The following RAB3C variants were observed in gnomAD, a reference collection of about 807,000 sequenced individuals.
RAB3C encodes RAB3C, member RAS oncogene family.
RAB3C carries 17 observed loss-of-function variants against 26.4 expected under a neutral mutation model. The ratio of observed to expected loss-of-function variants is 0.64; its 90% CI spans 0.44 to 0.97. The LOEUF (loss-of-function observed/expected upper bound fraction) is 0.97, where lower values mean the gene tolerates loss of function less well. Among genes scored for constraint, RAB3C ranks in the 50% least tolerant of loss-of-function variants. The pLI, the probability that RAB3C is intolerant of heterozygous loss-of-function variation, is 0.00. For missense variants in RAB3C, 242 were observed against 281.9 expected, an observed-to-expected ratio of 0.86 and a Z score of 1.01; for synonymous variants, 91 against 95.9, an observed-to-expected ratio of 0.95 and a Z score of 0.30.
At chr5:58,748,626 A>C (rs1741451509) in intron 3 of RAB3C, among the ~76,000 whole-genome samples, 1 of 152,104 alleles carries the variant, frequency 6.6e-6, no homozygotes, top group Non-Finnish European at 1.5e-5. Context: ...ATGTATGTAC[A>C]TGCGTATCTC....
intron 4 of RAB3C, among the ~76,000 whole-genome samples, chr5:58,831,749 C>T (rs915391958): frequency 1.3e-5 from 2 of 151,940 alleles, no homozygotes; most frequent in Admixed American, 6.6e-5. Flanking sequence ...ATTGAGGGGA[C>T]CTTGCTTATT....
intron 2 of RAB3C, among the ~76,000 whole-genome samples, chr5:58,664,865 A>C (rs1295587414): frequency 6.6e-6 from 1 of 151,612 alleles, no homozygotes; most frequent in Non-Finnish European, 1.5e-5. Context: ...ATTTCCTACT[A>C]TTCTCCCTCT....
intron 3 of RAB3C, among the ~76,000 whole-genome samples, chr5:58,774,260 T>A (rs1408946960): frequency 2.0e-5 from 3 of 152,306 alleles, no homozygotes; most frequent in African/African-American, 7.2e-5. Flanking sequence ...CCTGTACACA[T>A]ACCTGGGAGG....
intron 2 of RAB3C, among the ~76,000 whole-genome samples, chr5:58,701,210 C>T (rs187631995): frequency 6.6e-6 from 1 of 152,124 alleles, no homozygotes; most frequent in Non-Finnish European, 1.5e-5. Flanking sequence ...ACCATGTTAG[C>T]CAGGATGGTC....
At chr5:58,833,341 C>T (rs1434827513) in intron 4 of RAB3C, among the ~76,000 whole-genome samples, 7 of 151,822 alleles carry the variant, frequency 4.6e-5, no homozygotes, top group African/African-American at 1.2e-4. Context: ...CACACACACA[C>T]ACACACACAC....
intron 2 of RAB3C, among the ~76,000 whole-genome samples, chr5:58,724,788 G>C (rs535104902): frequency 6.6e-6 from 1 of 150,520 alleles, no homozygotes; most frequent in Non-Finnish European, 1.5e-5. Context: ...ACAAAGAAAA[G>C]AACAGAAACA....
chr5:58,596,599 A>G (rs1474829635), intron 1 of RAB3C, among the ~76,000 whole-genome samples: 2 of 115,644 alleles, frequency 1.7e-5, no homozygotes, highest in East Asian at 2.4e-4. Flanking sequence ...TACATAATAT[A>G]TTATATATAA....
intron 3 of RAB3C, among the ~76,000 whole-genome samples, chr5:58,746,179 T>C (rs978246638): frequency 6.6e-6 from 1 of 152,184 alleles, no homozygotes; most frequent in Non-Finnish European, 1.5e-5. Flanking sequence ...TGATGATGAA[T>C]ATAAACAGAA....
chr5:58,597,091 A>AT (rs1326814506), intron 1 of RAB3C, among the ~76,000 whole-genome samples: 30 of 71,572 alleles, frequency 4.2e-4, no homozygotes, highest in African/African-American at 1.2e-3. Flanking sequence ...TATATAATAC[A>AT]TAATATATAT....
At chr5:58,742,842 G>C (rs974298433) in intron 3 of RAB3C, among the ~76,000 whole-genome samples, 2 of 152,058 alleles carry the variant, frequency 1.3e-5, no homozygotes, top group Non-Finnish European at 2.9e-5. Flanking sequence ...ACAGCTTCTT[G>C]TAGGAAAAAT....
intron 3 of RAB3C, among the ~76,000 whole-genome samples, chr5:58,805,041 T>A (rs542693261): frequency 3.3e-5 from 5 of 151,960 alleles, no homozygotes; most frequent in Non-Finnish European, 7.4e-5. Context: ...TTTATTCAGA[T>A]ATGTAAATTT....
At chr5:58,640,487 A>G (rs995303999) in intron 2 of RAB3C, among the ~76,000 whole-genome samples, 2 of 152,236 alleles carry the variant, frequency 1.3e-5, no homozygotes, top group African/African-American at 4.8e-5. Flanking sequence ...GATCCCACAA[A>G]TGCCAGGAAA....
At chr5:58,597,116 A>T (rs1329459629) in intron 1 of RAB3C, among the ~76,000 whole-genome samples, 15 of 32,214 alleles carry the variant, frequency 4.7e-4, no homozygotes, top group Non-Finnish European at 8.9e-4. Context: ...TAATATATAT[A>T]ATACATAATA....
intron 2 of RAB3C, among the ~76,000 whole-genome samples, chr5:58,674,050 A>T (rs1380192560): frequency 2.0e-5 from 3 of 152,234 alleles, no homozygotes; most frequent in Admixed American, 6.5e-5. Flanking sequence ...CAGAATAGAT[A>T]AGAGTAAGTT....
chr5:58,740,388 C>T (rs1020547719), intron 3 of RAB3C, among the ~76,000 whole-genome samples: 4 of 152,222 alleles, frequency 2.6e-5, no homozygotes, highest in African/African-American at 9.6e-5. Context: ...GTCTTCAAAG[C>T]AGACCCACCT....
chr5:58,666,214 G>T (rs758541031), intron 2 of RAB3C, among the ~76,000 whole-genome samples: 3 of 152,066 alleles, frequency 2.0e-5, no homozygotes, highest in Non-Finnish European at 4.4e-5. Flanking sequence ...CAGGAAATTG[G>T]CACAACACAA....
At chr5:58,848,050 T>A (rs1429806804) in intron 4 of RAB3C, among the ~76,000 whole-genome samples, 1 of 152,122 alleles carries the variant, frequency 6.6e-6, no homozygotes, top group African/African-American at 2.4e-5. Flanking sequence ...AGAGGCAGGG[T>A]TTCGCCATGT....
intron 2 of RAB3C, among the ~76,000 whole-genome samples, chr5:58,633,907 C>T (rs1018390169): frequency 6.6e-6 from 1 of 151,330 alleles, no homozygotes; most frequent in Non-Finnish European, 1.5e-5. Context: ...CCGAGGTGGG[C>T]GGATCATGAG....
At chr5:58,713,834 G>A (rs560995806) in intron 2 of RAB3C, among the ~76,000 whole-genome samples, 26 of 152,070 alleles carry the variant, frequency 1.7e-4, no homozygotes, top group African/African-American at 3.4e-4. Flanking sequence ...AAACTAGGAC[G>A]TATGGTTACC....
Sources: allele counts gnomAD v4.1 joint callset (sites outside exome capture counted in the v4.1 genomes callset), GRCh38; gene constraint gnomAD v4.1.1; transcripts MANE v1.5; gene names NCBI Gene and HGNC (gene_info 2026-07-23, HGNC 2026-07-21).